CD226: variants seen among roughly 807,000 people sequenced by gnomAD.
CD226 encodes CD226 antigen.
Under a neutral mutation model 34.9 loss-of-function variants are expected in CD226, and 24 were observed. That is an observed-to-expected ratio of 0.69 (90% confidence interval 0.50 to 0.97). The LOEUF (loss-of-function observed/expected upper bound fraction) is 0.97, where lower values mean the gene tolerates loss of function less well. Among genes scored for constraint, CD226 ranks in the 50% least tolerant of loss-of-function variants. The pLI is 0.00. For missense variants in CD226, 397 were observed against 412.7 expected (o/e 0.96, Z 0.33); for synonymous variants, 148 against 147.4 (o/e 1.00, Z -0.03).
Position 69,862,315 on chromosome 18 carries a change from G to A in CD226, c.*1999C>T, listed in dbSNP as rs1003224782. On this transcript the variant is annotated 3_prime_UTR_variant, in exon 6 of 6. Coordinates refer to ENST00000582621, the MANE Select transcript of CD226 (RefSeq NM_001303618.2). ...GGAGTTTTCCAGAAAGTAATATTTT[G>A]ATTGTCTTTACCATTCAGAAAAGAA... 1 of 152,090 alleles carries A rather than the reference G, an allele frequency of 6.6e-6. No homozygotes were observed. The highest frequency in any genetic ancestry group is 6.5e-5 in the Admixed American group (1 of 15,270). 9.4% of individuals were successfully genotyped at this position (152,090 alleles called of 1,614,324 possible). A position where few individuals can be genotyped will look rare whatever the true frequency, so the allele number is the denominator to read the frequency against.
At chr18:69,925,883 C>T (rs1425523984) in intron 2 of CD226, among the ~76,000 whole-genome samples, 1 of 152,184 alleles carries the variant, frequency 6.6e-6, no homozygotes, top group African/African-American at 2.4e-5. Context: ...TGGATCCTGC[C>T]TGTAATCCCA....
intron 2 of CD226, among the ~76,000 whole-genome samples, chr18:69,924,803 C>G (rs1414606549): frequency 6.6e-6 from 1 of 151,068 alleles, no homozygotes; most frequent in African/African-American, 2.4e-5. Context: ...TCACATAGCA[C>G]TCCAAAGTAA....
At position 69,888,530 on chromosome 18, in the gene CD226, C is replaced by T. The variant is rs141424242; in HGVS notation, c.727+7171G>A. 3.0e-3 allele frequency among the ~76,000 whole-genome samples: 448 copies of T among 151,466 alleles called. 2 individuals carry two copies. The highest frequency in any genetic ancestry group is 0.01 in the African/African-American group (417 of 41,262). ...AATTCTTGGGCTCAAGGACTCCTAC[C>T]GCCTCAGCCTCCCAAAGCACCATGT... On this transcript the variant is annotated intron_variant, in intron 3 of 5. Transcript: ENST00000582621.
chr18:69,865,114 C>T (rs552899672), intron 5 of CD226, among the ~76,000 whole-genome samples: 5 of 152,144 alleles, frequency 3.3e-5, no homozygotes, highest in Admixed American at 2.0e-4. Context: ...CTCAGCCTCA[C>T]GAGTAGCTGG....
chr18:69,945,252 C>A lies in CD226; in HGVS notation c.382+1482G>T, dbSNP rs565921587. ...TTCTCTGACTACCATGGACCAAGTT[C>A]TTTAAATATATCGTCCCTCAGCCAT... On this transcript the variant is annotated intron_variant, in intron 2 of 5. Transcript: ENST00000582621. 3.3e-5 allele frequency among the ~76,000 whole-genome samples: 5 copies of A among 152,308 alleles called. 1 individual carries two copies. In the South Asian group the frequency reaches 1.0e-3, roughly 32 times the overall value.
intron 2 of CD226, 95 bp downstream of exon 2, chr18:69,946,639 G>T: frequency 3.7e-6 from 3 of 815,560 alleles, no homozygotes; most frequent in Non-Finnish European, 3.9e-6. Context: ...ACAGAAATAC[G>T]AGAAGACATT....
chr18:69,873,291 A>G, intron 3 of CD226, 45 bp from the exon 4 acceptor site: 1 of 1,022,748 alleles, frequency 9.8e-7, no homozygotes, highest in Non-Finnish European at 1.5e-6. Context: ...ATTCAGCCAA[A>G]GGCAGTAAAA....
At chr18:69,881,630 A>G (rs1458612023) in intron 3 of CD226, among the ~76,000 whole-genome samples, 3 of 152,208 alleles carry the variant, frequency 2.0e-5, no homozygotes, top group Non-Finnish European at 2.9e-5. Context: ...TTTTACGTAG[A>G]CACATTCCAA....
At position 69,861,210 on chromosome 18, in the gene CD226, T is replaced by G. The variant is rs1027264341; in HGVS notation, c.*3104A>C. On this transcript the variant is annotated 3_prime_UTR_variant, in exon 6 of 6. Coordinates refer to ENST00000582621, the MANE Select transcript of CD226 (RefSeq NM_001303618.2). Reference sequence around the variant, plus strand: ...TACTTAAAACATAAATTGGAGTTTTTACTAAAAATTATATCTTCACCTACC... The same window carrying G: ...TACTTAAAACATAAATTGGAGTTTTGACTAAAAATTATATCTTCACCTACC... 1 of 151,980 alleles carries G rather than the reference T, an allele frequency of 6.6e-6. No individual in the cohort carries two copies. The highest frequency in any genetic ancestry group is 2.4e-5 in the African/African-American group (1 of 41,444). 9.4% of individuals were successfully genotyped at this position (151,980 alleles called of 1,614,324 possible). A position where few individuals can be genotyped will look rare whatever the true frequency, so the allele number is the denominator to read the frequency against.
chr18:69,898,380 T>C (rs912729479), intron 2 of CD226, among the ~76,000 whole-genome samples: 1 of 152,136 alleles, frequency 6.6e-6, no homozygotes, highest in African/African-American at 2.4e-5. Context: ...TGTCTGCCTA[T>C]CTAACCAAAA....
chr18:69,945,656 C>A (rs1187688313), intron 2 of CD226, among the ~76,000 whole-genome samples: 2 of 152,216 alleles, frequency 1.3e-5, no homozygotes, highest in African/African-American at 4.8e-5. Context: ...GAGTCCAAGA[C>A]CAGCCTGGGC....
chr18:69,947,388 G>T lies in CD226; in HGVS notation c.19C>A (p.Leu7Ile). ...CTGTATACATGAAGAAGAGCCAAAA[G>T]TAAAGTAGGATAATCCATCTCTGGA... is the stretch of plus-strand genomic sequence containing the variant. MDYPTL[L>I]LALLHVYRAL... The change falls in exon 1 of 6, where the codon CTT becomes ATT. Residue 7 changes from leucine (L) to isoleucine (I), a missense_variant. Transcript: ENST00000582621. The T allele has an allele frequency of 6.3e-7, 1 of 1,585,034 alleles. No homozygotes were observed. The highest frequency in any genetic ancestry group is 1.2e-5 in the South Asian group (1 of 86,596).
intron 3 of CD226, among the ~76,000 whole-genome samples, chr18:69,889,427 C>T (rs759209700): frequency 3.4e-4 from 52 of 151,508 alleles, no homozygotes; most frequent in Non-Finnish European, 4.4e-4. Context: ...TGTCCACAAG[C>T]TTTATATCTA....
intron 2 of CD226, among the ~76,000 whole-genome samples, chr18:69,935,568 C>T (rs562190435): frequency 6.6e-6 from 1 of 152,216 alleles, no homozygotes; most frequent in Admixed American, 6.5e-5. Context: ...CACCCACACA[C>T]CACCAACACC....
At chr18:69,916,183 T>A (rs1249289277) in intron 2 of CD226, among the ~76,000 whole-genome samples, 1 of 152,226 alleles carries the variant, frequency 6.6e-6, no homozygotes, top group African/African-American at 2.4e-5. Context: ...GATACTGATT[T>A]GTGATTTATT....
At chr18:69,926,398 T>C (rs1254981243) in intron 2 of CD226, among the ~76,000 whole-genome samples, 1 of 152,044 alleles carries the variant, frequency 6.6e-6, no homozygotes, top group Non-Finnish European at 1.5e-5. Context: ...ACTTGAACAA[T>C]GAGGAATGAC....
chr18:69,907,482 G>C (rs2055269971), intron 2 of CD226, among the ~76,000 whole-genome samples: 2 of 152,092 alleles, frequency 1.3e-5, no homozygotes, highest in Admixed American at 6.6e-5. Context: ...TAAATTTTTT[G>C]TATTTTTAGT....
chr18:69,896,134 A>G, intron 2 of CD226, 89 bp from the exon 3 acceptor site: 1 of 1,480,326 alleles, frequency 6.8e-7, no homozygotes. Context: ...ATAATTGGTG[A>G]TGTTACCTAA....
At chr18:69,955,257 T>C (rs1323947253) in intron 1 of CD226, among the ~76,000 whole-genome samples, 1 of 152,232 alleles carries the variant, frequency 6.6e-6, no homozygotes, top group Non-Finnish European at 1.5e-5. Flanking sequence ...GATGTCTCTA[T>C]GGTTTCTGAG....
Sources: gnomAD v4.1 joint callset for allele counts (sites outside exome capture counted in the v4.1 genomes callset) on GRCh38, gnomAD v4.1.1 for gene constraint, MANE v1.5 for transcripts, NCBI Gene and HGNC (gene_info 2026-07-23, HGNC 2026-07-21) for gene names.